The following EML4 variants were observed in gnomAD, a reference collection of about 807,000 sequenced individuals.
The protein encoded by EML4 is echinoderm microtubule-associated protein-like 4.
A neutral mutation model predicts 129.0 loss-of-function variants in EML4; 72 were observed. The ratio of observed to expected loss-of-function variants is 0.56; its 90% CI spans 0.46 to 0.68. The LOEUF (loss-of-function observed/expected upper bound fraction) is 0.68. Among genes scored for constraint, EML4 ranks in the 30% least tolerant of loss-of-function variants. The pLI is 0.00. For synonymous variants in EML4, 532 were observed against 405.0 expected (o/e 1.31, Z -3.77); for missense variants, 1,363 against 1,190.6 (o/e 1.14, Z -2.13).
chr2:42,241,876 G>GT (rs911874139), intron 1 of EML4, among the ~76,000 whole-genome samples: 6 of 149,872 alleles, frequency 4.0e-5, no homozygotes, highest in East Asian at 2.0e-4. Flanking sequence ...GTGTGTGTCG[G>GT]GGGGGGGAAG....
chr2:42,317,012 G>T (rs990988720), intron 18 of EML4, among the ~76,000 whole-genome samples: 1 of 152,194 alleles, frequency 6.6e-6, no homozygotes, highest in African/African-American at 2.4e-5. Context: ...TAGCACTGTG[G>T]TGGGTACAGG....
intron 17 of EML4, among the ~76,000 whole-genome samples, chr2:42,308,910 T>C (rs1408851964): frequency 6.6e-6 from 1 of 152,236 alleles, no homozygotes; most frequent in Admixed American, 6.5e-5. Context: ...GTACTTCATA[T>C]ATAGCATGTA....
chr2:42,281,030 A>G, intron 7 of EML4, 57 bp downstream of exon 7: 1 of 1,349,062 alleles, frequency 7.4e-7, no homozygotes, highest in Non-Finnish European at 1.0e-6. Context: ...TTAACAAATC[A>G]GTTAACGTAT....
intron 13 of EML4, among the ~76,000 whole-genome samples, chr2:42,296,736 T>C (rs1488548295): frequency 1.3e-5 from 2 of 152,204 alleles, no homozygotes; most frequent in Non-Finnish European, 2.9e-5. Context: ...TGAGTAGTAT[T>C]GATGAAAGCA....
chr2:42,203,887 A>T (rs1672384440), intron 1 of EML4, among the ~76,000 whole-genome samples: 1 of 151,932 alleles, frequency 6.6e-6, no homozygotes, highest in Non-Finnish European at 1.5e-5. Flanking sequence ...AGTGCTAAGC[A>T]CTCTGTATTT....
chr2:42,318,655 GT>G (rs1463884763), intron 19 of EML4, among the ~76,000 whole-genome samples: 5 of 151,938 alleles, frequency 3.3e-5, no homozygotes, highest in Non-Finnish European at 7.4e-5. Context: ...ACCAAAAGAA[GT>G]TTTCAGATCA....
rs2103680568 is a variant in EML4, at chr2:42,295,454, G to A, written c.1427G>A (p.Gly476Asp). 6.8e-6 allele frequency: 11 copies of A among 1,613,836 alleles called. No homozygotes were observed. Among genetic ancestry groups the A allele is most frequent in the African/African-American group, 1.3e-5 (1 of 75,000 alleles). The change falls in exon 13 of 23, where the codon GGT becomes GAT. Residue 476 changes from glycine to aspartate, a missense_variant. By Grantham distance (94) the Gly-to-Asp change is moderately conservative. Coordinates refer to ENST00000318522, the MANE Select transcript of EML4 (RefSeq NM_019063.5). ...GNGDVLTGDSGGVMLIWSKTT... is the reference protein window; with the variant it reads ...GNGDVLTGDSDGVMLIWSKTT... ...GGAGATGTTCTTACTGGAGACTCAG[G>A]TGGAGTCATGCTTATATGGAGCAAA...
At chr2:42,264,877 C>G (rs1327295946) in intron 6 of EML4, 146 bp downstream of exon 6, 8 of 1,543,630 alleles carry the variant, frequency 5.2e-6, no homozygotes, top group East Asian at 2.4e-5. Context: ...AGGAAAAAAC[C>G]CAGTTTTTAT....
intron 5 of EML4, among the ~76,000 whole-genome samples, chr2:42,263,952 A>ATC (rs1665894217): frequency 1.3e-5 from 2 of 151,674 alleles, no homozygotes; most frequent in African/African-American, 4.8e-5. Context: ...GATGATCTCG[A>ATC]TCTCTTGACC....
intron 21 of EML4, among the ~76,000 whole-genome samples, chr2:42,327,663 AG>A (rs1669882190): frequency 6.6e-6 from 1 of 152,202 alleles, no homozygotes; most frequent in Non-Finnish European, 1.5e-5. Flanking sequence ...CTGTTTTCTA[AG>A]CCTTCCTCAG....
intron 17 of EML4, among the ~76,000 whole-genome samples, chr2:42,307,593 C>A (rs1668683296): frequency 6.6e-6 from 1 of 152,194 alleles, no homozygotes; most frequent in East Asian, 1.9e-4. Context: ...CATTCTATTA[C>A]TATCACTGAC....
intron 2 of EML4, among the ~76,000 whole-genome samples, chr2:42,252,215 G>A (rs184359292): frequency 1.4e-3 from 219 of 152,260 alleles, no homozygotes; most frequent in African/African-American, 5.1e-3. Flanking sequence ...TTTGTATTTA[G>A]GAACTGTCAG....
At chr2:42,267,117 G>A (rs1324885247) in intron 6 of EML4, among the ~76,000 whole-genome samples, 1 of 152,068 alleles carries the variant, frequency 6.6e-6, no homozygotes, top group African/African-American at 2.4e-5. Flanking sequence ...CTAAGTCTTT[G>A]TTTTCTCATC....
chr2:42,251,071 G>A (rs559719908), intron 2 of EML4, among the ~76,000 whole-genome samples: 1 of 152,126 alleles, frequency 6.6e-6, no homozygotes, highest in Non-Finnish European at 1.5e-5. Context: ...ATAGGAAGTG[G>A]TTGTAAATAC....
intron 1 of EML4, among the ~76,000 whole-genome samples, chr2:42,244,622 G>C (rs562115556): frequency 6.6e-6 from 1 of 152,234 alleles, no homozygotes; most frequent in African/African-American, 2.4e-5. Context: ...TGGAGAGAAG[G>C]AGCAGCAAAA....
chr2:42,237,165 A>C (rs1399384804), intron 1 of EML4, among the ~76,000 whole-genome samples: 1 of 151,852 alleles, frequency 6.6e-6, no homozygotes, highest in Non-Finnish European at 1.5e-5. Context: ...GAACTCCTGA[A>C]CTCAAGCAGT....
At chr2:42,283,832 A>G (rs1667145415) in intron 8 of EML4, among the ~76,000 whole-genome samples, 1 of 152,188 alleles carries the variant, frequency 6.6e-6, no homozygotes. Flanking sequence ...TAGTGTACCT[A>G]TAGGTCACCA....
intron 1 of EML4, among the ~76,000 whole-genome samples, chr2:42,212,723 A>G (rs545995627): frequency 5.9e-5 from 9 of 152,360 alleles, no homozygotes; most frequent in African/African-American, 2.2e-4. Context: ...ATGCATTTCT[A>G]TATCTTTATC....
chr2:42,210,311 T>C (rs554717515), intron 1 of EML4, among the ~76,000 whole-genome samples: 2 of 152,250 alleles, frequency 1.3e-5, no homozygotes, highest in African/African-American at 4.8e-5. Flanking sequence ...GTATCAGATA[T>C]ATTGTAGAAT....
Sources: gnomAD v4.1 joint callset for allele counts (sites outside exome capture counted in the v4.1 genomes callset) on GRCh38, gnomAD v4.1.1 for gene constraint, MANE v1.5 for transcripts, NCBI Gene and HGNC (gene_info 2026-07-23, HGNC 2026-07-21) for gene names.